Variants in HSPA12A observed in about 807,000 individuals in gnomAD.
The protein encoded by HSPA12A is heat shock protein family A (Hsp70) member 12A, also known as heat shock 70 kDa protein 12A.
In HSPA12A, 28 loss-of-function variants were observed where a neutral mutation model predicts 69.2. The observed-to-expected ratio is 0.40, with a 90% CI of 0.30 to 0.55. The LOEUF (loss-of-function observed/expected upper bound fraction) is 0.55, where lower values mean the gene tolerates loss of function less well. HSPA12A is among the 20% of genes least tolerant of loss of function. The pLI, the probability that HSPA12A is intolerant of heterozygous loss-of-function variation, is 0.38. For synonymous variants in HSPA12A, 345 were observed against 370.5 expected (o/e 0.93, Z 0.79); for missense variants, 686 against 900.7 (o/e 0.76, Z 3.05).
chr10:116,787,014 ACACGCACG>A (rs1241977413), intron 2 of HSPA12A, among the ~76,000 whole-genome samples: 1 of 149,318 alleles, frequency 6.7e-6, no homozygotes, highest in Non-Finnish European at 1.5e-5. Flanking sequence ...ACACATACAC[ACACGCACG>A]CACTCACACA....
intron 2 of HSPA12A, among the ~76,000 whole-genome samples, chr10:116,777,183 G>A (rs568868628): frequency 6.6e-6 from 1 of 152,270 alleles, no homozygotes; most frequent in Admixed American, 6.5e-5. Context: ...AGTTCTTGCC[G>A]CGTGGCACTG....
intron 2 of HSPA12A, among the ~76,000 whole-genome samples, chr10:116,817,013 A>C (rs1845318848): frequency 6.6e-6 from 1 of 152,196 alleles, no homozygotes; most frequent in Non-Finnish European, 1.5e-5. Flanking sequence ...GAAACATGAA[A>C]TCTACAGTTT....
At chr10:116,694,083 A>C (rs1448349626) in intron 5 of HSPA12A, among the ~76,000 whole-genome samples, 1 of 152,204 alleles carries the variant, frequency 6.6e-6, no homozygotes, top group Admixed American at 6.5e-5. Context: ...CAAAATACAC[A>C]TGAGGGGCTT....
intron 2 of HSPA12A, among the ~76,000 whole-genome samples, chr10:116,749,137 G>A (rs890349917): frequency 1.8e-4 from 28 of 152,160 alleles, no homozygotes; most frequent in African/African-American, 6.8e-4. Flanking sequence ...ACTTTTATAA[G>A]AGCCAAGGGT....
At chr10:116,790,746 A>G (rs887039793) in intron 2 of HSPA12A, among the ~76,000 whole-genome samples, 1 of 152,084 alleles carries the variant, frequency 6.6e-6, no homozygotes, top group Admixed American at 6.5e-5. Context: ...GCTGGAGTGC[A>G]GTGGCATGAT....
rs782194862 is a variant in HSPA12A at position 116,675,418 on chromosome 10, C to T, written c.1391G>A (p.Arg464Gln). 13 of 1,582,856 alleles carry T rather than the reference C, an allele frequency of 8.2e-6. No individual in the cohort carries two copies. Among genetic ancestry groups the T allele is most frequent in the Non-Finnish European group, 1.1e-5 (13 of 1,165,124 alleles). The change falls in exon 12 of 12, where the codon CGG becomes CAG. Residue 464 changes from arginine to glutamine, a missense_variant and splice_region_variant. Transcript: ENST00000369209. The surrounding 1 kb of genome is among the most constrained non-coding windows in gnomAD (Gnocchi z 5.2). ...PTIDSIIEHL[R>Q]DLFQKPEVST... ...CACCTCGGGCTTCTGAAACAGGTCC[C>T]CTGGAAGGGAAGAGGCAGGGAGAAT...
At chr10:116,819,006 G>A (rs1229944191) in intron 2 of HSPA12A, among the ~76,000 whole-genome samples, 2 of 151,952 alleles carry the variant, frequency 1.3e-5, no homozygotes, top group African/African-American at 4.8e-5. Flanking sequence ...GTCTCTCTGG[G>A]TCTGATGTTC....
intron 5 of HSPA12A, among the ~76,000 whole-genome samples, chr10:116,692,815 G>A (rs561779698): frequency 1.3e-5 from 2 of 152,268 alleles, no homozygotes; most frequent in African/African-American, 4.8e-5. Context: ...AAGCTCCAAC[G>A]ATTGTTGAGA....
intron 2 of HSPA12A, among the ~76,000 whole-genome samples, chr10:116,797,818 C>G (rs1036299339): frequency 1.3e-5 from 2 of 152,092 alleles, no homozygotes; most frequent in Non-Finnish European, 2.9e-5. Flanking sequence ...CAGGAACACA[C>G]AGGCCACAAA....
At chr10:116,728,197 T>C (rs1216050677) in intron 1 of HSPA12A, among the ~76,000 whole-genome samples, 2 of 152,160 alleles carry the variant, frequency 1.3e-5, no homozygotes, top group African/African-American at 4.8e-5. Context: ...CACCTGGGCC[T>C]CCTAAAGTGC....
At chr10:116,841,583 A>G (rs144118491) in intron 1 of HSPA12A, among the ~76,000 whole-genome samples, 1,825 of 152,280 alleles carry the variant, frequency 0.012, 41 homozygotes, top group African/African-American at 0.041. Flanking sequence ...CACATACATC[A>G]CCTTAAATAA....
chr10:116,842,705 C>T (rs1228941350), intron 1 of HSPA12A, among the ~76,000 whole-genome samples: 3 of 152,114 alleles, frequency 2.0e-5, no homozygotes, highest in Non-Finnish European at 4.4e-5. Context: ...CGGGTTCAAG[C>T]GATTCTCCTG....
In HSPA12A at chr10:116,815,361, T is replaced by A. The variant is rs556934673; in HGVS notation, c.91+19574A>T. On this transcript the variant is annotated intron_variant, in intron 2 of 12. Transcript: ENST00000635765. ...CAGGCAGATCACTTGAGGCCAGGAG[T>A]TTGAGACCAGCCTGGCCAACATGGC... Among the ~76,000 whole-genome samples, 13 of 150,906 alleles carry A rather than the reference T, an allele frequency of 8.6e-5. No homozygotes were observed. The East Asian group carries it at 2.5e-3, about 29-fold the overall frequency.
chr10:116,785,292 T>C (rs964940516), intron 2 of HSPA12A, among the ~76,000 whole-genome samples: 15 of 151,938 alleles, frequency 9.9e-5, no homozygotes, highest in Non-Finnish European at 2.9e-5. Flanking sequence ...GACTGATGTC[T>C]TGTTCGGGAA....
chr10:116,830,277 T>C (rs1224125924), intron 2 of HSPA12A: 1 of 152,160 alleles, frequency 6.6e-6, no homozygotes, highest in African/African-American at 2.4e-5. Flanking sequence ...TTACAAGGAA[T>C]ACAGATTAAC....
At position 116,769,483 on chromosome 10, in the gene HSPA12A, C is replaced by T. The variant is rs547229458; in HGVS notation, c.92-62198G>A. 1.3e-4 allele frequency among the ~76,000 whole-genome samples: 20 copies of T among 152,266 alleles called. 1 individual carries two copies. The highest frequency in any genetic ancestry group is 3.9e-4 in the East Asian group (2 of 5,162). On this transcript the variant is annotated intron_variant, in intron 2 of 12. Transcript: ENST00000635765. ...GGTCCCCACCTTGAGGGCTGGGGCC[C>T]GGGGTGGCGAAAGCACCAGGATGTT...
chr10:116,812,356 G>T (rs761474601), intron 2 of HSPA12A, among the ~76,000 whole-genome samples: 9 of 152,100 alleles, frequency 5.9e-5, no homozygotes, highest in Non-Finnish European at 1.3e-4. Context: ...AGGAGGCTGA[G>T]GCAGGAGAAT....
At position 116,715,202 on chromosome 10, in the gene HSPA12A, T is replaced by G. The variant is rs559734791; in HGVS notation, c.41-7917A>C. Among the ~76,000 whole-genome samples, 3 of 152,332 alleles carry G rather than the reference T, an allele frequency of 2.0e-5. No homozygotes were observed. In the East Asian group the frequency reaches 5.8e-4, roughly 29 times the overall value. On this transcript the variant is annotated intron_variant, in intron 1 of 11. Coordinates refer to ENST00000369209, the MANE Select transcript of HSPA12A (RefSeq NM_025015.3). ...CTCACCCCCAGAGTTTCTCATCCAGTAGGTCTGAGGCTGGCTGACAATTTG... is the reference window on the plus strand; with the variant it reads ...CTCACCCCCAGAGTTTCTCATCCAGGAGGTCTGAGGCTGGCTGACAATTTG...
At chr10:116,679,397 CA>C in intron 10 of HSPA12A, 105 bp downstream of exon 10, 1 of 1,372,620 alleles carries the variant, frequency 7.3e-7, no homozygotes, top group Non-Finnish European at 1.0e-6. Context: ...GGTCATACAG[CA>C]AGTGTGTAGG....
Sources: allele counts gnomAD v4.1 joint callset (sites outside exome capture counted in the v4.1 genomes callset), GRCh38; gene constraint gnomAD v4.1.1; non-coding constraint Gnocchi (gnomAD v3.1); transcripts MANE v1.5; gene names NCBI Gene and HGNC (gene_info 2026-07-23, HGNC 2026-07-21).